The following TLE5 variants were observed in gnomAD, a reference collection of about 807,000 sequenced individuals.
The protein encoded by TLE5 is TLE family member 5, transcriptional modulator, also known as TLE family member 5.
Under a neutral mutation model 25.8 loss-of-function variants are expected in TLE5, and 7 were observed. The observed-to-expected ratio is 0.27, with a 90% CI of 0.15 to 0.51. The LOEUF (loss-of-function observed/expected upper bound fraction) is 0.51. TLE5 is among the 20% of genes least tolerant of loss of function. TLE5 has a pLI of 0.97. For missense variants in TLE5, 149 were observed against 250.7 expected, an observed-to-expected ratio of 0.59 and a Z score of 2.74; for synonymous variants, 132 against 110.5, an observed-to-expected ratio of 1.20 and a Z score of -1.22.
Position 3,056,293 on chromosome 19 carries a change from G to C in TLE5, c.234+19C>G. 6.6e-7 allele frequency: 1 copy of C among 1,513,804 alleles called. No homozygotes were observed. Among genetic ancestry groups the C allele is most frequent in the Non-Finnish European group, 8.9e-7 (1 of 1,128,076 alleles). 93.8% of individuals were successfully genotyped at this position (1,513,804 alleles called of 1,614,324 possible). On this transcript the variant is annotated intron_variant, in intron 4 of 6. Transcript: ENST00000327141. Reference sequence around the variant, plus strand: ...GGGGAAGGAGGAGGAGGAGGAGGAGGAGGAGGAGATGGGCGTACCTGTTTG... The same window carrying C: ...GGGGAAGGAGGAGGAGGAGGAGGAGCAGGAGGAGATGGGCGTACCTGTTTG...
intron 1 of TLE5, 151 bp from the exon 2 acceptor site, chr19:3,061,408 C>T: frequency 2.0e-6 from 1 of 490,546 alleles, no homozygotes; most frequent in Non-Finnish European, 3.5e-6. Flanking sequence ...CGACCCCACC[C>T]GCGCTTCCTG....
chr19:3,057,522 G>A lies in TLE5; in HGVS notation c.189+157C>T. On this transcript the variant is annotated intron_variant, in intron 3 of 6. Transcript: ENST00000327141. ...CTGCCAGGCTAGCGAGGCAGGCTCA[G>A]CCCAGCAGGGGCCGGCTGAATGGAG... is the stretch of plus-strand genomic sequence containing the variant. 8.3e-6 allele frequency: 6 copies of A among 722,244 alleles called. No homozygotes were observed. The South Asian group carries it at 1.0e-4, about 13-fold the overall frequency. 44.7% of individuals were successfully genotyped at this position (722,244 alleles called of 1,614,324 possible). A position where few individuals can be genotyped will look rare whatever the true frequency, so the allele number is the denominator to read the frequency against.
intron 4 of TLE5, 102 bp downstream of exon 4, chr19:3,056,210 G>A: frequency 1.2e-6 from 1 of 823,716 alleles, no homozygotes; most frequent in Non-Finnish European, 1.9e-6. Context: ...GCCCAGCCGA[G>A]GGCCGGCCGC....
chr19:3,061,355 C>A (rs535169157), intron 1 of TLE5, 98 bp from the exon 2 acceptor site: 176 of 877,854 alleles, frequency 2.0e-4, no homozygotes, highest in Middle Eastern at 1.1e-3. Context: ...CGGCGCCCCC[C>A]CTCCTGCCCC....
intron 4 of TLE5, 77 bp downstream of exon 4, chr19:3,056,235 T>C: frequency 1.3e-6 from 1 of 756,396 alleles, no homozygotes; most frequent in Non-Finnish European, 1.7e-6. Flanking sequence ...TGCCTGGGGG[T>C]GCCCAAGGCG....
upstream of TLE5, chr19:3,062,811 G>T (rs1176087181): frequency 6.4e-7 from 1 of 1,550,396 alleles, no homozygotes. Flanking sequence ...TGCCACGGAC[G>T]TGCTCTGTGA....
chr19:3,062,679 G>A, upstream of TLE5: 1 of 1,407,072 alleles, frequency 7.1e-7, no homozygotes, highest in Non-Finnish European at 9.2e-7. Flanking sequence ...CCGGGCAGCG[G>A]CCCCCGCCAC....
chr19:3,057,170 G>A (rs746184728), intron 3 of TLE5, among the ~76,000 whole-genome samples: 4 of 152,302 alleles, frequency 2.6e-5, no homozygotes, highest in South Asian at 4.1e-4. Flanking sequence ...TGCAGAAATC[G>A]TCACCTGGCA....
chr19:3,062,040 C>T, intron 1 of TLE5, 134 bp downstream of exon 1: 1 of 164,510 alleles, frequency 6.1e-6, no homozygotes, highest in Non-Finnish European at 1.0e-5. Context: ...GAAGACAGGG[C>T]CGGGGAGTTG....
In TLE5 at chr19:3,056,311, C is replaced by A; in HGVS notation, c.234+1G>T. 1 of 1,519,168 alleles carries A rather than the reference C, an allele frequency of 6.6e-7. No homozygotes were observed. Among genetic ancestry groups the A allele is most frequent in the East Asian group, 2.6e-5 (1 of 38,454 alleles). The allele number at this position is 1,519,168 out of a possible 1,614,324, so 94.1% of individuals were successfully genotyped here. A position where few individuals can be genotyped will look rare whatever the true frequency, so the allele number is the denominator to read the frequency against. ...GGAGGAGGAGGAGGAGATGGGCGTA[C>A]CTGTTTGTGCATCTCGATGTTCAAG... On this transcript the variant is annotated splice_donor_variant, in intron 4 of 6. Coordinates refer to ENST00000327141, the MANE Select transcript of TLE5 (RefSeq NM_001130.6). LOFTEE classifies it high-confidence loss of function.
At chr19:3,062,610 C>T (rs2090282085), upstream of TLE5, 3 of 1,089,722 alleles carry the variant, frequency 2.8e-6, no homozygotes, top group South Asian at 8.9e-5. Flanking sequence ...ATCCCCACGC[C>T]GGCCCGCCTC....
Position 3,054,118 on chromosome 19 carries a change from A to G in TLE5, c.372+2T>C. 6.9e-7 allele frequency: 1 copy of G among 1,439,178 alleles called. No individual in the cohort carries two copies. The highest frequency in any genetic ancestry group is 9.5e-7 in the Non-Finnish European group (1 of 1,056,642). 89.2% of individuals were successfully genotyped at this position (1,439,178 alleles called of 1,614,324 possible). ...CCCACCCGCCCAGGTCCCCATACAT[A>G]CTCGGATGATAGAGTTCAGCTCGGG... On this transcript the variant is annotated splice_donor_variant, in intron 6 of 6. Transcript: ENST00000327141. LOFTEE classifies it high-confidence loss of function.
At chr19:3,062,812 TGCTCTGTGACCTTG>T, upstream of TLE5, 1 of 1,550,422 alleles carries the variant, frequency 6.4e-7, no homozygotes, top group Middle Eastern at 1.7e-4. Flanking sequence ...GCCACGGACG[TGCTCTGTGACCTTG>T]GCTCTGGCTG....
rs572126009 is a variant in TLE5, at chr19:3,053,721, T to C, written c.*98A>G. On this transcript the variant is annotated 3_prime_UTR_variant, in exon 7 of 7. Transcript: ENST00000327141. ...ATAAATACTATGGGAGTTTAGCCAATCCCGAGCTCCGCTGTGTCTTGTGCT... is the reference window on the plus strand; with the variant it reads ...ATAAATACTATGGGAGTTTAGCCAACCCCGAGCTCCGCTGTGTCTTGTGCT... 6.9e-5 allele frequency: 94 copies of C among 1,370,562 alleles called. No individual in the cohort carries two copies. The African/African-American group carries it at 9.5e-4, about 14-fold the overall frequency. The allele number at this position is 1,370,562 out of a possible 1,614,324, so 84.9% of individuals were successfully genotyped here. A position where few individuals can be genotyped will look rare whatever the true frequency, so the allele number is the denominator to read the frequency against.
intron 5 of TLE5, 139 bp downstream of exon 5, chr19:3,055,525 G>T: frequency 1.5e-6 from 1 of 657,866 alleles, no homozygotes; most frequent in Non-Finnish European, 2.4e-6. Context: ...CGGCTCTGGT[G>T]TTCAGAGCCA....
chr19:3,054,266 T>C, intron 5 of TLE5, 72 bp from the exon 6 acceptor site: 1 of 1,472,920 alleles, frequency 6.8e-7, no homozygotes, highest in Non-Finnish European at 9.3e-7. Flanking sequence ...GGGACGGCCC[T>C]GAGGCCAGGA....
At chr19:3,054,087 C>G in intron 6 of TLE5, 33 bp downstream of exon 6, 15 of 1,476,124 alleles carry the variant, frequency 1.0e-5, no homozygotes, top group African/African-American at 1.4e-5. Flanking sequence ...GCCCACCTGT[C>G]CCCCGCCCAC....
intron 5 of TLE5, chr19:3,054,399 A>G: frequency 3.3e-6 from 2 of 599,846 alleles, no homozygotes; most frequent in South Asian, 4.0e-5. Flanking sequence ...CGTCTGGCCA[A>G]CAGAGACAAA....
chr19:3,062,104 G>T (rs1284835317), intron 1 of TLE5, 70 bp downstream of exon 1: 8 of 861,296 alleles, frequency 9.3e-6, no homozygotes, highest in Non-Finnish European at 1.0e-5. Context: ...GCGCGGGGCC[G>T]GGAGCCGGGG....
Sources: allele counts gnomAD v4.1 joint callset (sites outside exome capture counted in the v4.1 genomes callset), GRCh38; gene constraint gnomAD v4.1.1; transcripts MANE v1.5; gene names NCBI Gene and HGNC (gene_info 2026-07-23, HGNC 2026-07-21).